PHF8: variants seen among roughly 807,000 people sequenced by gnomAD.
The protein encoded by PHF8 is histone lysine demethylase PHF8.
A neutral mutation model predicts 74.4 loss-of-function variants in PHF8; 9 were observed. The ratio of observed to expected loss-of-function variants is 0.12; its 90% CI spans 0.07 to 0.21. The LOEUF is 0.21. Among genes scored for constraint, PHF8 ranks in the 10% least tolerant of loss-of-function variants. The pLI is 1.00. For synonymous variants in PHF8, 311 were observed against 316.6 expected (o/e 0.98, Z 0.19); for missense variants, 478 against 816.6 (o/e 0.59, Z 5.05).
At chrX:54,031,465 G>A (rs1325433883) in intron 2 of PHF8, among the ~76,000 whole-genome samples, 1 of 107,903 alleles carries the variant, frequency 9.3e-6, no homozygotes, top group African/African-American at 3.4e-5. Context: ...AAGTTCCAGC[G>A]TACCTAGGAA....
intron 19 of PHF8, among the ~76,000 whole-genome samples, chrX:53,950,132 A>AT (rs1222526593): frequency 1.8e-5 from 2 of 111,690 alleles, no homozygotes; most frequent in South Asian, 3.8e-4. Context: ...AGCTTTGTGC[A>AT]TTTTAACTTG....
chrX:53,945,926 A>G (rs924899588), intron 19 of PHF8, among the ~76,000 whole-genome samples: 7 of 112,231 alleles, frequency 6.2e-5, no homozygotes, highest in Non-Finnish European at 1.1e-4. Flanking sequence ...CTGATGTGTT[A>G]TTCTGTCTAC....
chrX:53,991,957 G>C (rs2065672866), intron 14 of PHF8, among the ~76,000 whole-genome samples: 1 of 111,934 alleles, frequency 8.9e-6, no homozygotes, highest in South Asian at 3.7e-4. Flanking sequence ...CAGGGAAAGA[G>C]AGATGGGTGT....
At chrX:54,026,754 G>A (rs1189304434) in intron 2 of PHF8, among the ~76,000 whole-genome samples, 1 of 110,109 alleles carries the variant, frequency 9.1e-6, no homozygotes, top group Non-Finnish European at 1.9e-5. Context: ...ACACCACCAC[G>A]CCCACCTAAT....
In PHF8 at chrX:53,938,999, G is replaced by A; in HGVS notation, c.*159C>T. The A allele has an allele frequency of 1.5e-5, 16 of 1,037,082 alleles. No homozygotes were observed. Among genetic ancestry groups the A allele is most frequent in the Non-Finnish European group, 2.0e-5 (16 of 811,136 alleles). The allele number at this position is 1,037,082 out of a possible 1,213,427, so 85.5% of individuals were successfully genotyped here. A position where few individuals can be genotyped will look rare whatever the true frequency, so the allele number is the denominator to read the frequency against. ...TGAAAGTGGGGAAGGGAACTAGAAG[G>A]AGTCGGTGGAGGGGTCCGTGCCTTT... On this transcript the variant is annotated 3_prime_UTR_variant, in exon 22 of 22. Transcript: ENST00000338154.
chrX:54,014,206 C>T lies in PHF8; in HGVS notation c.783+171G>A, dbSNP rs782615548. On this transcript the variant is annotated intron_variant, in intron 7 of 21. Coordinates refer to ENST00000338154, the MANE Select transcript of PHF8 (RefSeq NM_015107.3). Reference sequence around the variant, plus strand: ...TCCTGACCTCGTGATCCGCCCGCCTCGGCCTCCCAAAGTGCTGGGATTACA... The same window carrying T: ...TCCTGACCTCGTGATCCGCCCGCCTTGGCCTCCCAAAGTGCTGGGATTACA... Among the ~76,000 whole-genome samples the T allele has an allele frequency of 8.1e-5, 9 of 111,731 alleles. No homozygotes were observed. In the South Asian group the frequency reaches 3.0e-3, roughly 37 times the overall value.
At position 53,953,198 on chromosome X, in the gene PHF8, C is replaced by T. The variant is rs1390591761; in HGVS notation, c.2540-8955G>A. Among the ~76,000 whole-genome samples, 4 of 102,919 alleles carry T rather than the reference C, an allele frequency of 3.9e-5. No homozygotes were observed. The Admixed American group carries it at 4.3e-4, about 11-fold the overall frequency. The allele number at this position is 102,919 out of a possible 115,157, so 89.4% of individuals were successfully genotyped here. A position where few individuals can be genotyped will look rare whatever the true frequency, so the allele number is the denominator to read the frequency against. ...CTGAGGCGGGAGTATTGCTTGAACC[C>T]GGGAGGTGGAGGTTGCAGTGAGTCG... On this transcript the variant is annotated intron_variant, in intron 19 of 21. Transcript: ENST00000338154.
intron 4 of PHF8, among the ~76,000 whole-genome samples, chrX:54,018,230 A>T (rs1557108783): frequency 1.8e-5 from 2 of 112,035 alleles, no homozygotes; most frequent in African/African-American, 3.2e-5. Flanking sequence ...CATATACAAC[A>T]ACTTTCTCAA....
At chrX:54,012,693 T>G (rs909940763) in intron 7 of PHF8, among the ~76,000 whole-genome samples, 6 of 110,794 alleles carry the variant, frequency 5.4e-5, no homozygotes, top group African/African-American at 2.0e-4. Context: ...TCCTAGCACT[T>G]TGAGGGCCAA....
chrX:54,033,700 T>A (rs1234902661), intron 2 of PHF8, among the ~76,000 whole-genome samples: 1 of 108,114 alleles, frequency 9.2e-6, no homozygotes, highest in Non-Finnish European at 1.9e-5. Flanking sequence ...GGCAACAGAG[T>A]GAAACTCCAT....
chrX:53,970,872 C>T (rs1265125506), intron 18 of PHF8, among the ~76,000 whole-genome samples: 6 of 111,283 alleles, frequency 5.4e-5, no homozygotes, highest in Admixed American at 9.6e-5. Context: ...TACAAAGAAA[C>T]GTAGACTCCC....
intron 18 of PHF8, among the ~76,000 whole-genome samples, chrX:53,972,321 C>CAAA (rs1236817498): frequency 5.3e-4 from 18 of 34,118 alleles, no homozygotes; most frequent in African/African-American, 7.0e-4. Context: ...GACGCTGTCT[C>CAAA]AAAAAAAAAA....
chrX:54,033,871 C>G (rs970327030), intron 2 of PHF8, among the ~76,000 whole-genome samples: 5 of 110,549 alleles, frequency 4.5e-5, no homozygotes, highest in Non-Finnish European at 9.5e-5. Flanking sequence ...TGAAGTGACC[C>G]AAGATTGCAC....
chrX:53,960,163 C>A (rs1397719399), intron 19 of PHF8, among the ~76,000 whole-genome samples: 13 of 108,624 alleles, frequency 1.2e-4, no homozygotes, highest in African/African-American at 4.4e-4. Context: ...GCAAGCTCCA[C>A]CTCTCAGGTT....
chrX:53,968,363 A>T (rs1270764052), intron 18 of PHF8, among the ~76,000 whole-genome samples: 1 of 111,903 alleles, frequency 8.9e-6, no homozygotes, highest in African/African-American at 3.2e-5. Flanking sequence ...CATATAACCT[A>T]CCATGCTTGA....
At chrX:53,982,905 T>TAA (rs2065500780) in intron 18 of PHF8, among the ~76,000 whole-genome samples, 1 of 112,477 alleles carries the variant, frequency 8.9e-6, no homozygotes, top group Admixed American at 9.4e-5. Flanking sequence ...TAAAAACTGA[T>TAA]AAAGATGGCT....
In PHF8 at chrX:54,022,295, G is replaced by A. The variant is rs782156466; in HGVS notation, c.257C>T (p.Thr86Met). Reference sequence around the variant, plus strand: ...CCTACTCCGGAGCTCTCTGACGAACGTAGGGCTCCCGGTCTTCACTGGTTT... The same window carrying A: ...CCTACTCCGGAGCTCTCTGACGAACATAGGGCTCCCGGTCTTCACTGGTTT... Reference protein sequence around the residue: ...KGKPVKTGSPTFVRELRSRTF... With the variant: ...KGKPVKTGSPMFVRELRSRTF... The change falls in exon 4 of 22, where the codon ACG (threonine) becomes ATG (methionine). Residue 86 changes from threonine (T) to methionine (M), a missense_variant. Physicochemically the swap from Thr to Met is moderately conservative, Grantham distance 81. Coordinates refer to ENST00000338154, the MANE Select transcript of PHF8 (RefSeq NM_015107.3). The A allele has an allele frequency of 1.3e-5, 16 of 1,204,711 alleles. No homozygotes were observed. The highest frequency in any genetic ancestry group is 1.7e-5 in the African/African-American group (1 of 57,706).
At chrX:53,960,681 G>A (rs1204575272) in intron 19 of PHF8, among the ~76,000 whole-genome samples, 1 of 108,536 alleles carries the variant, frequency 9.2e-6, no homozygotes, top group African/African-American at 3.4e-5. Flanking sequence ...CCCGGGAGGC[G>A]GAGATTGCAG....
chrX:53,959,416 A>C (rs1557089976), intron 19 of PHF8, among the ~76,000 whole-genome samples: 1 of 111,462 alleles, frequency 9.0e-6, no homozygotes. Flanking sequence ...TCATTCACAC[A>C]ACATCCATTT....
Sources: allele counts gnomAD v4.1 joint callset (sites outside exome capture counted in the v4.1 genomes callset), GRCh38; gene constraint gnomAD v4.1.1; transcripts MANE v1.5; gene names NCBI Gene and HGNC (gene_info 2026-07-23, HGNC 2026-07-21).